EPHA6: variants seen among roughly 807,000 people sequenced by gnomAD.
EPHA6 encodes the protein EPH receptor A6.
A neutral mutation model predicts 112.0 loss-of-function variants in EPHA6; 50 were observed. The observed-to-expected ratio is 0.45, with a 90% CI of 0.36 to 0.56. EPHA6 has a LOEUF of 0.56. Among genes scored for constraint, EPHA6 ranks in the 20% least tolerant of loss-of-function variants. The probability of loss-of-function intolerance (pLI) is 0.00; values close to 1 mark genes in which losing one functional copy is unlikely to be tolerated. For missense variants in EPHA6, 1,280 were observed against 1,417.4 expected (o/e 0.90, Z 1.56); for synonymous variants, 529 against 490.7 (o/e 1.08, Z -1.03).
chr3:97,381,682 A>T (rs549579733), intron 5 of EPHA6, among the ~76,000 whole-genome samples: 1 of 152,282 alleles, frequency 6.6e-6, no homozygotes, highest in South Asian at 2.1e-4. Flanking sequence ...TAGCAGGTTT[A>T]GAGGTTTTGC....
chr3:97,001,033 C>CTATGA (rs2043641960), intron 3 of EPHA6, among the ~76,000 whole-genome samples: 1 of 92,506 alleles, frequency 1.1e-5, no homozygotes, highest in Non-Finnish European at 2.2e-5. Context: ...TATATATATG[C>CTATGA]ATGTGTGTTC....
At chr3:97,539,030 T>TCTTGCTTTCTTGCTTTCTTG (rs1553805979) in intron 11 of EPHA6, among the ~76,000 whole-genome samples, 3 of 145,630 alleles carry the variant, frequency 2.1e-5, no homozygotes, top group African/African-American at 8.0e-5. Flanking sequence ...TTTCTTTCTT[T>TCTTGCTTTCTTGCTTTCTTG]CTTTCTTGCT....
At chr3:97,137,171 A>C (rs1380050110) in intron 3 of EPHA6, among the ~76,000 whole-genome samples, 14 of 152,184 alleles carry the variant, frequency 9.2e-5, no homozygotes, top group Admixed American at 9.2e-4. Context: ...CAGGTAGCAA[A>C]GACTTGTCAT....
intron 15 of EPHA6, among the ~76,000 whole-genome samples, chr3:97,726,388 T>C (rs1195499691): frequency 6.6e-6 from 1 of 152,176 alleles, no homozygotes; most frequent in Admixed American, 6.6e-5. Flanking sequence ...GTATTTTTAT[T>C]GTTTCCTATT....
chr3:97,441,815 A>C (rs1254176453), intron 6 of EPHA6, among the ~76,000 whole-genome samples: 3 of 152,132 alleles, frequency 2.0e-5, no homozygotes, highest in Non-Finnish European at 4.4e-5. Context: ...TCTCTTGATT[A>C]ATTCTAAAAT....
At chr3:97,632,148 C>T (rs891177532) in intron 13 of EPHA6, among the ~76,000 whole-genome samples, 1 of 151,990 alleles carries the variant, frequency 6.6e-6, no homozygotes, top group Non-Finnish European at 1.5e-5. Context: ...TGCAGAGAAT[C>T]TCCTATAGTA....
rs115976690 is a variant in EPHA6 at position 96,913,418 on chromosome 3, A to G, written c.450+46529A>G. 6.4e-3 allele frequency among the ~76,000 whole-genome samples: 971 copies of G among 152,224 alleles called. 3 individuals are homozygous for G. Among genetic ancestry groups the G allele is most frequent in the Middle Eastern group, 0.02 (6 of 294 alleles). On this transcript the variant is annotated intron_variant, in intron 2 of 17. Coordinates refer to ENST00000389672, the MANE Select transcript of EPHA6 (RefSeq NM_001080448.3). ...AATTCTAAGAGAATGACATAATCCA[A>G]TCACATTTAAGAAAGATGTCTGTGG...
intron 2 of EPHA6, among the ~76,000 whole-genome samples, chr3:96,872,655 C>A (rs2036697633): frequency 1.3e-5 from 2 of 152,008 alleles, no homozygotes; most frequent in Admixed American, 1.3e-4. Flanking sequence ...ATATTTCACT[C>A]CACTGTTATT....
At position 97,191,579 on chromosome 3, in the gene EPHA6, ATC is replaced by A. The variant is rs2077307176; in HGVS notation, c.1115-34683_1115-34682del. ...GTGTGAGAATATGCCAAATTTGACT[ATC>A]TGTGTCTGGCTTATCTCATTTAACA... On this transcript the variant is annotated intron_variant, in intron 3 of 17. Coordinates refer to ENST00000389672, the MANE Select transcript of EPHA6 (RefSeq NM_001080448.3). Among the ~76,000 whole-genome samples the A allele has an allele frequency of 7.9e-5, 12 of 152,098 alleles. No homozygotes were observed. In the South Asian group the frequency reaches 2.3e-3, roughly 29 times the overall value.
chr3:97,675,495 A>G (rs994029875), intron 14 of EPHA6, among the ~76,000 whole-genome samples: 15 of 152,148 alleles, frequency 9.9e-5, no homozygotes, highest in African/African-American at 3.4e-4. Flanking sequence ...AAAAAAGTAA[A>G]TAAATAAAAA....
chr3:97,537,444 C>A (rs1038002143), intron 11 of EPHA6, among the ~76,000 whole-genome samples: 1 of 152,122 alleles, frequency 6.6e-6, no homozygotes, highest in African/African-American at 2.4e-5. Context: ...TGGTGCCAGT[C>A]CACTGGGAGC....
At chr3:97,095,654 A>G (rs2047214784) in intron 3 of EPHA6, among the ~76,000 whole-genome samples, 1 of 151,994 alleles carries the variant, frequency 6.6e-6, no homozygotes, top group Non-Finnish European at 1.5e-5. Flanking sequence ...GTGTGGCCAT[A>G]TGACTAAGTA....
At chr3:96,980,474 G>A (rs1486553235) in intron 2 of EPHA6, among the ~76,000 whole-genome samples, 6 of 150,624 alleles carry the variant, frequency 4.0e-5, no homozygotes, top group African/African-American at 1.2e-4. Context: ...ATAGTTTGAA[G>A]TCAGGTAGCA....
intron 11 of EPHA6, among the ~76,000 whole-genome samples, chr3:97,561,624 A>T (rs2093193819): frequency 6.6e-6 from 1 of 152,148 alleles, no homozygotes; most frequent in Admixed American, 6.6e-5. Flanking sequence ...AAGGCAAAGC[A>T]GCAAGTGTTG....
chr3:97,101,434 CTT>C (rs1286973433), intron 3 of EPHA6, among the ~76,000 whole-genome samples: 1 of 151,964 alleles, frequency 6.6e-6, no homozygotes, highest in Non-Finnish European at 1.5e-5. Context: ...TTTTGAGTGA[CTT>C]TATTTAATTT....
intron 1 of EPHA6, among the ~76,000 whole-genome samples, chr3:96,845,179 A>G (rs2034995819): frequency 6.6e-6 from 1 of 152,046 alleles, no homozygotes; most frequent in Non-Finnish European, 1.5e-5. Context: ...ATTAATTTCC[A>G]GATTTTAATG....
At chr3:97,214,444 G>A (rs2077974054) in intron 3 of EPHA6, among the ~76,000 whole-genome samples, 1 of 144,746 alleles carries the variant, frequency 6.9e-6, no homozygotes, top group Admixed American at 7.1e-5. Flanking sequence ...GAGTGCCACT[G>A]CACTCCAGCC....
rs57541953 is a variant in EPHA6, at chr3:97,596,777, C to CATATATATATAT, written c.2512+4061_2512+4072dup. Among the ~76,000 whole-genome samples the CATATATATATAT allele has an allele frequency of 3.3e-3, 347 of 106,152 alleles. 1 individual carries two copies. Among genetic ancestry groups the CATATATATATAT allele is most frequent in the East Asian group, 0.01 (36 of 3,562 alleles). 69.6% of individuals were successfully genotyped at this position (106,152 alleles called of 152,430 possible). A position where few individuals can be genotyped will look rare whatever the true frequency, so the allele number is the denominator to read the frequency against. The stretch of plus-strand genomic sequence containing the variant: ...TTTTACTAATGAAGTAACTCATATA[C>CATATATATATAT]ATATATATATATATATATATATATA... On this transcript the variant is annotated intron_variant, in intron 12 of 17. Coordinates refer to ENST00000389672, the MANE Select transcript of EPHA6 (RefSeq NM_001080448.3).
chr3:97,343,557 C>T (rs979219303), intron 5 of EPHA6, among the ~76,000 whole-genome samples: 1 of 152,048 alleles, frequency 6.6e-6, no homozygotes, highest in African/African-American at 2.4e-5. Context: ...GGCAAACCAA[C>T]CTTTGTTAAG....
Sources: gnomAD v4.1 joint callset for allele counts (sites outside exome capture counted in the v4.1 genomes callset) on GRCh38, gnomAD v4.1.1 for gene constraint, MANE v1.5 for transcripts, NCBI Gene and HGNC (gene_info 2026-07-23, HGNC 2026-07-21) for gene names.